The following FARP2 variants were observed in gnomAD, a reference collection of about 807,000 sequenced individuals.
The protein encoded by FARP2 is FERM, ARHGEF and pleckstrin domain-containing protein 2.
FARP2 carries 111 observed loss-of-function variants against 130.5 expected under a neutral mutation model. The observed-to-expected ratio is 0.85, with a 90% CI of 0.73 to 1.00. The LOEUF (loss-of-function observed/expected upper bound fraction) is 1.00. FARP2 is among the 50% of genes least tolerant of loss of function. FARP2 has a pLI of 0.00. For missense variants in FARP2, 1,385 were observed against 1,346.3 expected (o/e 1.03, Z -0.45); for synonymous variants, 504 against 516.9 (o/e 0.98, Z 0.34).
intron 4 of FARP2, among the ~76,000 whole-genome samples, chr2:241,406,830 C>T (rs926549846): frequency 2.0e-5 from 3 of 151,690 alleles, no homozygotes; most frequent in Non-Finnish European, 4.4e-5. Flanking sequence ...TTTTTTGAGA[C>T]GGAGTCTCGC....
intron 13 of FARP2, among the ~76,000 whole-genome samples, chr2:241,451,116 G>A (rs2063646549): frequency 6.6e-6 from 1 of 151,952 alleles, no homozygotes; most frequent in South Asian, 2.1e-4. Context: ...CACCACACCT[G>A]GCTAAATTTT....
rs577802806 is a variant in FARP2, at chr2:241,482,447, C to A, written c.2263-1018C>A. ...AGCAATTGCCAGCAGCTCACAGGGA[C>A]CTCGGCGTGCGGTCTCCAGGGCTCC... On this transcript the variant is annotated intron_variant, in intron 19 of 26. Transcript: ENST00000264042. The surrounding 1 kb of genome is among the most constrained non-coding windows in gnomAD (Gnocchi z 4.6). Among the ~76,000 whole-genome samples the A allele has an allele frequency of 5.3e-4, 81 of 152,280 alleles. No homozygotes were observed. The highest frequency in any genetic ancestry group is 5.0e-3 in the Admixed American group (77 of 15,308).
At chr2:241,457,328 C>T (rs1203916247) in intron 14 of FARP2, among the ~76,000 whole-genome samples, 1 of 151,734 alleles carries the variant, frequency 6.6e-6, no homozygotes, top group Non-Finnish European at 1.5e-5. Context: ...CAAGCTTCTA[C>T]TTTGACAATT....
In FARP2 at chr2:241,358,753, G is replaced by C. The variant is rs1404493295; in HGVS notation, c.-25+2365G>C. Among the ~76,000 whole-genome samples the C allele has an allele frequency of 2.6e-5, 4 of 152,168 alleles. No homozygotes were observed. In the East Asian group the frequency reaches 7.7e-4, roughly 29 times the overall value. On this transcript the variant is annotated intron_variant, in intron 1 of 26. Transcript: ENST00000264042. ...ATTCCGGTCATGTTCTCTGAGATCA[G>C]AATATAGAGTCCTTTGACCATAGCG...
rs938096276 is a variant in FARP2 at position 241,434,051 on chromosome 2, G to C, written c.868-107G>C. The C allele has an allele frequency of 6.7e-6, 6 of 899,566 alleles. No individual in the cohort carries two copies. The African/African-American group carries it at 1.0e-4, about 15-fold the overall frequency. 55.7% of individuals were successfully genotyped at this position (899,566 alleles called of 1,614,324 possible). ...TCCTGTCTCAAAAAAAAACCTTACT[G>C]ATTTTTAATTTTGGAATTCCCTATC... On this transcript the variant is annotated intron_variant, in intron 9 of 26. Transcript: ENST00000264042.
intron 2 of FARP2, among the ~76,000 whole-genome samples, chr2:241,401,176 G>A (rs1291941204): frequency 6.6e-6 from 1 of 152,242 alleles, no homozygotes; most frequent in South Asian, 2.1e-4. Flanking sequence ...GATTTGCAAG[G>A]TTTTATTTCT....
At chr2:241,375,947 A>G (rs1002625965) in intron 2 of FARP2, among the ~76,000 whole-genome samples, 3 of 152,114 alleles carry the variant, frequency 2.0e-5, no homozygotes, top group African/African-American at 7.2e-5. Flanking sequence ...GGAGAGCTAA[A>G]ATTCAATATA....
In FARP2 at chr2:241,459,398, T is replaced by C. The variant is rs1182084852; in HGVS notation, c.1587+2476T>C. Among the ~76,000 whole-genome samples, 2 of 152,212 alleles carry C rather than the reference T, an allele frequency of 1.3e-5. No homozygotes were observed. Among genetic ancestry groups the C allele is most frequent in the Non-Finnish European group, 2.9e-5 (2 of 68,032 alleles). ...CCACTGAGGCCACCCGTCAAGCTTT[T>C]GCACTTGCACCCAGTTGCTGGGCTG... On this transcript the variant is annotated intron_variant, in intron 14 of 26. Coordinates refer to ENST00000264042, the MANE Select transcript of FARP2 (RefSeq NM_014808.4). This position sits in a 1 kb window ranked among gnomAD's most constrained non-coding sequence, Gnocchi z 5.3.
chr2:241,391,918 A>G (rs2061915907), intron 2 of FARP2, among the ~76,000 whole-genome samples: 1 of 152,218 alleles, frequency 6.6e-6, no homozygotes, highest in African/African-American at 2.4e-5. Context: ...AATAGAAATA[A>G]TGATTAACCA....
chr2:241,468,925 A>G (rs2064241328), intron 18 of FARP2, among the ~76,000 whole-genome samples: 1 of 152,212 alleles, frequency 6.6e-6, no homozygotes, highest in African/African-American at 2.4e-5. Flanking sequence ...TAAAAATAGG[A>G]TTTCTAATTT....
chr2:241,422,866 C>T (rs1344454887), intron 8 of FARP2, among the ~76,000 whole-genome samples: 1 of 152,052 alleles, frequency 6.6e-6, no homozygotes, highest in East Asian at 1.9e-4. Context: ...GAAAGAATCT[C>T]AGAGCATTGA....
At chr2:241,481,390 T>G (rs890722109) in intron 19 of FARP2, among the ~76,000 whole-genome samples, 2 of 152,240 alleles carry the variant, frequency 1.3e-5, no homozygotes, top group Non-Finnish European at 2.9e-5. Context: ...TACATGGAGA[T>G]GTTTCCTGTC....
intron 13 of FARP2, among the ~76,000 whole-genome samples, chr2:241,453,035 ATTAT>A (rs906599945): frequency 2.6e-5 from 4 of 151,724 alleles, no homozygotes; most frequent in African/African-American, 7.3e-5. Flanking sequence ...TTAAATAGAA[ATTAT>A]TTATAATAGG....
intron 1 of FARP2, among the ~76,000 whole-genome samples, chr2:241,369,036 A>G (rs903413572): frequency 1.3e-5 from 2 of 152,120 alleles, no homozygotes; most frequent in African/African-American, 4.8e-5. Flanking sequence ...TCTCATGAAC[A>G]AGGGTATCTT....
Position 241,482,267 on chromosome 2 carries a change from C to T in FARP2, c.2263-1198C>T, listed in dbSNP as rs1253698073. On this transcript the variant is annotated intron_variant, in intron 19 of 26. Coordinates refer to ENST00000264042, the MANE Select transcript of FARP2 (RefSeq NM_014808.4). The surrounding 1 kb of genome is among the most constrained non-coding windows in gnomAD (Gnocchi z 4.6). ...CGGTGCTGAGCCTCACAGCTGGCAG[C>T]GGGGCCAGTGCATGGTGGAGAAGGC... Among the ~76,000 whole-genome samples the T allele has an allele frequency of 6.6e-6, 1 of 152,198 alleles. No homozygotes were observed. The highest frequency in any genetic ancestry group is 1.5e-5 in the Non-Finnish European group (1 of 68,024).
chr2:241,358,695 C>A (rs968083206), intron 1 of FARP2, among the ~76,000 whole-genome samples: 2 of 152,186 alleles, frequency 1.3e-5, no homozygotes, highest in Admixed American at 6.5e-5. Flanking sequence ...ACAGGCAAAA[C>A]CCCATTGTAG....
chr2:241,398,452 T>C (rs1248695479), intron 2 of FARP2, among the ~76,000 whole-genome samples: 2 of 152,240 alleles, frequency 1.3e-5, no homozygotes, highest in Non-Finnish European at 2.9e-5. Context: ...TGCTTGTTTG[T>C]TCGTTGCTGG....
At chr2:241,387,517 G>A (rs1395364707) in intron 2 of FARP2, among the ~76,000 whole-genome samples, 1 of 152,190 alleles carries the variant, frequency 6.6e-6, no homozygotes, top group Non-Finnish European at 1.5e-5. Flanking sequence ...TTATTGGCCA[G>A]ACGCAGTGGC....
chr2:241,392,833 C>T (rs561296003), intron 2 of FARP2, among the ~76,000 whole-genome samples: 18 of 151,552 alleles, frequency 1.2e-4, no homozygotes, highest in Middle Eastern at 3.2e-3. Flanking sequence ...ATCCCAACTA[C>T]TTAGGAGGCT....
Sources: allele counts gnomAD v4.1 joint callset (sites outside exome capture counted in the v4.1 genomes callset), GRCh38; gene constraint gnomAD v4.1.1; non-coding constraint Gnocchi (gnomAD v3.1); transcripts MANE v1.5; gene names NCBI Gene and HGNC (gene_info 2026-07-23, HGNC 2026-07-21).